The following USP35 variants were observed in gnomAD, a reference collection of about 807,000 sequenced individuals.
USP35 encodes the protein ubiquitin specific peptidase 35.
A neutral mutation model predicts 83.8 loss-of-function variants in USP35; 69 were observed. That is an observed-to-expected ratio of 0.82 (90% confidence interval 0.68 to 1.01). The LOEUF (loss-of-function observed/expected upper bound fraction) is 1.01, where lower values mean the gene tolerates loss of function less well. Among genes scored for constraint, USP35 ranks in the 50% least tolerant of loss-of-function variants. USP35 has a pLI of 0.00. For synonymous variants in USP35, 714 were observed against 589.5 expected (o/e 1.21, Z -3.06); for missense variants, 1,503 against 1,362.5 (o/e 1.10, Z -1.62).
At chr11:78,197,447 G>C (rs1375717079) in intron 2 of USP35, among the ~76,000 whole-genome samples, 1 of 152,144 alleles carries the variant, frequency 6.6e-6, no homozygotes, top group Non-Finnish European at 1.5e-5. Flanking sequence ...GTGGAACTTA[G>C]ACTACAGTGC....
downstream of USP35, chr11:78,219,302 G>A (rs2134448923): frequency 1.9e-6 from 3 of 1,613,866 alleles, no homozygotes; most frequent in East Asian, 2.2e-5. Context: ...AAGGCTCTGA[G>A]GACTGCCGCA....
At chr11:78,198,928 A>T (rs1216518568) in intron 3 of USP35, 3 of 155,306 alleles carry the variant, frequency 1.9e-5, no homozygotes, top group Non-Finnish European at 4.2e-5. Context: ...CGCCGTTATC[A>T]TTGTTATGAC....
intron 6 of USP35, among the ~76,000 whole-genome samples, chr11:78,202,753 G>T (rs948885384): frequency 2.0e-5 from 3 of 152,222 alleles, no homozygotes; most frequent in Admixed American, 6.5e-5. Context: ...GACAGTGGAG[G>T]TGGATGAGGA....
At chr11:78,203,940 G>T (rs1367482848) in intron 6 of USP35, among the ~76,000 whole-genome samples, 7 of 136,574 alleles carry the variant, frequency 5.1e-5, no homozygotes, top group Non-Finnish European at 1.1e-4. Flanking sequence ...GTCCAGGCTG[G>T]AGTGCAGTGG....
chr11:78,215,867 TA>T (rs1193192706), downstream of USP35: 7 of 152,616 alleles, frequency 4.6e-5, no homozygotes, highest in African/African-American at 1.7e-4. Flanking sequence ...GGAAATGGGA[TA>T]GGGGTGCTGG....
chr11:78,209,933 T>A lies in USP35; in HGVS notation c.2078T>A (p.Val693Glu), dbSNP rs1260812436. ...GKEERTEKEE[V>E]GEEEESTRGE... is the part of the protein sequence containing the mutation. ...GAGGAGAGAACGGAGAAGGAAGAAG[T>A]GGGGGAGGAGGAGGAAAGCACCAGA... Residue 693 changes from valine (V) to glutamate (E), a missense_variant, in exon 10 of 11, where the codon GTG becomes GAG. By Grantham distance (121) the Val-to-Glu change is moderately radical. Transcript: ENST00000529308. 7.5e-6 allele frequency: 12 copies of A among 1,593,026 alleles called. No individual in the cohort carries two copies. The highest frequency in any genetic ancestry group is 9.4e-6 in the Non-Finnish European group (11 of 1,171,136).
chr11:78,210,453 T>C lies in USP35; in HGVS notation c.2598T>C (p.Tyr866=). ...VSSESGHYYC[Y]AREGAARPAA... ...CGGAGAGTGGTCACTACTACTGCTA[T>C]GCCCGTGAGGGCGCTGCCCGCCCTG... Residue 866 remains tyrosine (Y), a synonymous_variant, in exon 10 of 11, where the codon TAT becomes TAC. Transcript: ENST00000529308. The C allele has an allele frequency of 1.2e-6, 2 of 1,614,226 alleles. No individual in the cohort carries two copies. Among genetic ancestry groups the C allele is most frequent in the Admixed American group, 1.7e-5 (1 of 60,034 alleles).
At position 78,213,968 on chromosome 11, in the gene USP35, A is replaced by G. The variant is rs1034434395; in HGVS notation, c.*155A>G. 3.7e-6 allele frequency: 3 copies of G among 812,840 alleles called. No individual in the cohort carries two copies. Among genetic ancestry groups the G allele is most frequent in the African/African-American group, 3.6e-5 (2 of 54,980 alleles). 50.4% of individuals were successfully genotyped at this position (812,840 alleles called of 1,614,324 possible). A position where few individuals can be genotyped will look rare whatever the true frequency, so the allele number is the denominator to read the frequency against. On this transcript the variant is annotated 3_prime_UTR_variant, in exon 11 of 11. Coordinates refer to ENST00000529308, the MANE Select transcript of USP35 (RefSeq NM_020798.4). ...AGGGTACACAGAGATTCTCTCAGAT[A>G]TGGAAGTAAGACCTAAGTCCCTTTC...
intron 6 of USP35, among the ~76,000 whole-genome samples, chr11:78,201,967 C>T (rs1461734721): frequency 6.6e-6 from 1 of 152,140 alleles, no homozygotes; most frequent in Non-Finnish European, 1.5e-5. Context: ...GAAAAGTGTC[C>T]TGCTACAAAA....
chr11:78,211,311 C>G (rs1343538435), intron 10 of USP35, among the ~76,000 whole-genome samples: 4 of 152,202 alleles, frequency 2.6e-5, no homozygotes, highest in Non-Finnish European at 4.4e-5. Context: ...GCATAGTATT[C>G]TGTGGTGTAT....
the USP35 span, chr11:78,223,263 A>T: frequency 5.1e-6 from 3 of 590,162 alleles, no homozygotes; most frequent in Non-Finnish European, 5.6e-6. Context: ...TACCATCTGC[A>T]TTTCACAGAT....
At chr11:78,204,855 G>C (rs1863485973) in intron 6 of USP35, among the ~76,000 whole-genome samples, 1 of 152,236 alleles carries the variant, frequency 6.6e-6, no homozygotes, top group Non-Finnish European at 1.5e-5. Flanking sequence ...ATGAGCAAAA[G>C]TGTTAAACCC....
At chr11:78,195,129 A>G (rs1863105407) in intron 1 of USP35, among the ~76,000 whole-genome samples, 1 of 152,032 alleles carries the variant, frequency 6.6e-6, no homozygotes, top group Non-Finnish European at 1.5e-5. Context: ...CGGAGATGAG[A>G]TGCTGTGCTT....
In USP35 at chr11:78,214,068, C is replaced by T. The variant is rs188096761; in HGVS notation, c.*255C>T. 107 of 389,034 alleles carry T rather than the reference C, an allele frequency of 2.8e-4. No individual in the cohort carries two copies. The South Asian group carries it at 4.4e-3, about 16-fold the overall frequency. The allele number at this position is 389,034 out of a possible 1,614,324, so 24.1% of individuals were successfully genotyped here. ...TTGAAGCAGCCGAGATGGGCACACA[C>T]GGGTCTTTGCCTCCCCCTCCTTCCC... is the stretch of plus-strand genomic sequence containing the variant. On this transcript the variant is annotated 3_prime_UTR_variant, in exon 11 of 11. Transcript: ENST00000529308.
At chr11:78,211,431 T>TATAATAGAATGACTTA (rs1863768882) in intron 10 of USP35, among the ~76,000 whole-genome samples, 1 of 152,242 alleles carries the variant, frequency 6.6e-6, no homozygotes, top group African/African-American at 2.4e-5. Context: ...CATGTATCTT[T>TATAATAGAATGACTTA]ATAATAGAAT....
At chr11:78,202,640 C>T (rs73507288) in intron 6 of USP35, among the ~76,000 whole-genome samples, 4,185 of 152,282 alleles carry the variant, frequency 0.027, 168 homozygotes, top group African/African-American at 0.095. Context: ...CCGTTATTTA[C>T]TTGGATCTTC....
At chr11:78,199,776 G>GCC in intron 4 of USP35, 52 bp downstream of exon 4, 1 of 1,612,742 alleles carries the variant, frequency 6.2e-7, no homozygotes, top group Non-Finnish European at 8.5e-7. Flanking sequence ...CTAGGCTCTT[G>GCC]CCAGGGGCGG....
chr11:78,191,729 A>G (rs1007899581), intron 1 of USP35, among the ~76,000 whole-genome samples: 2 of 152,064 alleles, frequency 1.3e-5, no homozygotes, highest in Admixed American at 1.3e-4. Context: ...TGCCTTGGAG[A>G]ATCAGCAGGA....
chr11:78,235,325 TG>T, the USP35 span, among the ~76,000 whole-genome samples: 4 of 151,866 alleles, frequency 2.6e-5, no homozygotes, highest in African/African-American at 9.7e-5. Context: ...GCTAATTTTT[TG>T]TATTTTGAGT....
Sources: allele counts gnomAD v4.1 joint callset (sites outside exome capture counted in the v4.1 genomes callset), GRCh38; gene constraint gnomAD v4.1.1; transcripts MANE v1.5; gene names NCBI Gene and HGNC (gene_info 2026-07-23, HGNC 2026-07-21).